Variants in DPP10 observed in about 807,000 individuals in gnomAD.
DPP10 encodes the protein dipeptidyl peptidase like 10, also known as inactive dipeptidyl peptidase 10.
DPP10 carries 33 observed loss-of-function variants against 120.9 expected under a neutral mutation model. That is an observed-to-expected ratio of 0.27 (90% CI 0.21 to 0.37). The LOEUF (loss-of-function observed/expected upper bound fraction) is 0.37. Among genes scored for constraint, DPP10 ranks in the 10% least tolerant of loss-of-function variants. DPP10 has a pLI of 1.00. For synonymous variants in DPP10, 337 were observed against 326.1 expected (o/e 1.03, Z -0.36); for missense variants, 816 against 942.8 (o/e 0.87, Z 1.76).
chr2:115,263,383 A>T (rs866490988), intron 1 of DPP10, among the ~76,000 whole-genome samples: 5 of 152,194 alleles, frequency 3.3e-5, no homozygotes, highest in African/African-American at 9.7e-5. Flanking sequence ...TTGTGGCTTA[A>T]TGTCTAATTG....
chr2:115,162,334 G>C, intron 1 of DPP10: 1 of 1,450,446 alleles, frequency 6.9e-7, no homozygotes, highest in South Asian at 1.4e-5. Context: ...GGGAGAGGCG[G>C]CCGGGACCAA....
chr2:115,263,392 T>G (rs1222628942), intron 1 of DPP10, among the ~76,000 whole-genome samples: 2 of 152,228 alleles, frequency 1.3e-5, no homozygotes, highest in Non-Finnish European at 2.9e-5. Context: ...AATGTCTAAT[T>G]GCCTTTTTAT....
intron 5 of DPP10, among the ~76,000 whole-genome samples, chr2:115,675,605 A>G (rs1196049769): frequency 1.3e-5 from 2 of 152,220 alleles, no homozygotes; most frequent in African/African-American, 4.8e-5. Flanking sequence ...CATTTCTGAG[A>G]ATAGGTGAGT....
At chr2:114,932,641 T>G (rs1696164435) in intron 1 of DPP10, among the ~76,000 whole-genome samples, 1 of 152,146 alleles carries the variant, frequency 6.6e-6, no homozygotes, top group Admixed American at 6.5e-5. Context: ...ATAGTGTAAC[T>G]GGGGTTGGGA....
chr2:114,742,604 A>G (rs974835432), intron 1 of DPP10, among the ~76,000 whole-genome samples: 1 of 152,168 alleles, frequency 6.6e-6, no homozygotes, highest in Non-Finnish European at 1.5e-5. Flanking sequence ...AGCATTCCCT[A>G]TTACATTTTC....
intron 1 of DPP10, among the ~76,000 whole-genome samples, chr2:114,984,656 TA>T (rs1221651033): frequency 6.6e-6 from 1 of 152,158 alleles, no homozygotes; most frequent in Non-Finnish European, 1.5e-5. Context: ...AGGATTTAAA[TA>T]GGAAAATGAC....
intron 1 of DPP10, among the ~76,000 whole-genome samples, chr2:114,891,837 A>G (rs1336469648): frequency 6.6e-6 from 1 of 152,220 alleles, no homozygotes; most frequent in Non-Finnish European, 1.5e-5. Context: ...TTTAGACAAG[A>G]CAAGGAATTC....
At chr2:114,968,105 T>A (rs1275653147) in intron 1 of DPP10, among the ~76,000 whole-genome samples, 1 of 152,156 alleles carries the variant, frequency 6.6e-6, no homozygotes. Context: ...CTCAAAAAAA[T>A]TTGAGCCTGC....
intron 1 of DPP10, among the ~76,000 whole-genome samples, chr2:114,477,317 A>T (rs1680496526): frequency 6.6e-6 from 1 of 152,018 alleles, no homozygotes; most frequent in African/African-American, 2.4e-5. Context: ...TGTTTGTGAG[A>T]TCCATACGTA....
intron 5 of DPP10, among the ~76,000 whole-genome samples, chr2:115,562,530 T>C (rs2080755182): frequency 6.6e-6 from 1 of 152,314 alleles, no homozygotes; most frequent in Middle Eastern, 3.4e-3. Flanking sequence ...CATTTGTCAA[T>C]TGTTTTTATC....
chr2:115,796,518 A>T (rs10189466), intron 19 of DPP10, among the ~76,000 whole-genome samples: 6,022 of 152,202 alleles, frequency 0.04, 406 homozygotes, highest in African/African-American at 0.14. Flanking sequence ...AAATGGAGAA[A>T]TAAATGATTT....
intron 5 of DPP10, among the ~76,000 whole-genome samples, chr2:115,639,194 A>G (rs745364310): frequency 6.6e-6 from 1 of 152,194 alleles, no homozygotes; most frequent in Admixed American, 6.5e-5. Context: ...TTAGGCATCT[A>G]TCTTATGAAA....
At chr2:114,937,871 G>T (rs1165089142) in intron 1 of DPP10, among the ~76,000 whole-genome samples, 1 of 152,146 alleles carries the variant, frequency 6.6e-6, no homozygotes, top group Non-Finnish European at 1.5e-5. Context: ...CCACTGCATA[G>T]TGTAACTTAT....
At chr2:114,860,938 T>A (rs969280299) in intron 1 of DPP10, among the ~76,000 whole-genome samples, 1 of 152,208 alleles carries the variant, frequency 6.6e-6, no homozygotes, top group Admixed American at 6.5e-5. Flanking sequence ...ACCTTATGCT[T>A]ATATAAGCAA....
intron 1 of DPP10, among the ~76,000 whole-genome samples, chr2:115,078,548 C>T (rs17043991): frequency 0.19 from 28,218 of 151,976 alleles, 3,003 homozygotes; most frequent in East Asian, 0.36. Flanking sequence ...GTTTGTATAA[C>T]GCAATACTTA....
intron 1 of DPP10, among the ~76,000 whole-genome samples, chr2:115,055,576 T>A (rs1476797940): frequency 1.3e-5 from 2 of 152,188 alleles, no homozygotes; most frequent in Non-Finnish European, 2.9e-5. Context: ...TATAAAATAT[T>A]TTATTTTCAT....
chr2:115,371,475 C>G (rs1574592510), intron 3 of DPP10, among the ~76,000 whole-genome samples: 1 of 152,252 alleles, frequency 6.6e-6, no homozygotes, highest in African/African-American at 2.4e-5. Context: ...TTGAAACAAA[C>G]TAATTTTACT....
chr2:115,793,926 C>T (rs1447354277), intron 19 of DPP10, among the ~76,000 whole-genome samples: 1 of 151,886 alleles, frequency 6.6e-6, no homozygotes, highest in East Asian at 1.9e-4. Flanking sequence ...TTCTAAAACA[C>T]TATGCTTGAA....
chr2:115,302,365 A>G (rs1221484785), intron 1 of DPP10, among the ~76,000 whole-genome samples: 2 of 152,092 alleles, frequency 1.3e-5, no homozygotes, highest in Admixed American at 1.3e-4. Context: ...TGCAACTCAT[A>G]TAATTGCGAG....
Sources: gnomAD v4.1 joint callset for allele counts (sites outside exome capture counted in the v4.1 genomes callset) on GRCh38, gnomAD v4.1.1 for gene constraint, MANE v1.5 for transcripts, NCBI Gene and HGNC (gene_info 2026-07-23, HGNC 2026-07-21) for gene names.